The following EVL variants were observed in gnomAD, a reference collection of about 807,000 sequenced individuals.
EVL encodes the protein Enah/Vasp-like.
In EVL, 21 loss-of-function variants were observed where a neutral mutation model predicts 59.6. The ratio of observed to expected loss-of-function variants is 0.35; its 90% CI spans 0.25 to 0.51. EVL has a LOEUF of 0.51. Among genes scored for constraint, EVL ranks in the 20% least tolerant of loss-of-function variants. The probability of loss-of-function intolerance (pLI) is 0.97; values close to 1 mark genes in which losing one functional copy is unlikely to be tolerated. For missense variants in EVL, 462 were observed against 546.6 expected, an observed-to-expected ratio of 0.85 and a Z score of 1.54; for synonymous variants, 198 against 203.5, an observed-to-expected ratio of 0.97 and a Z score of 0.23.
rs1451553162 is a variant in EVL, at chr14:99,972,790, T to G, written c.5+733T>G. On this transcript the variant is annotated intron_variant, in intron 1 of 13. Transcript: ENST00000402714. This position sits in a 1 kb window ranked among gnomAD's most constrained non-coding sequence, Gnocchi z 4.4. ...TCTCCAGATCCTGTCGTGACTTTTT[T>G]GGGGTAATCACTTTTTTTTTTTCCA... Among the ~76,000 whole-genome samples the G allele has an allele frequency of 2.0e-5, 3 of 151,892 alleles. No homozygotes were observed. The highest frequency in any genetic ancestry group is 7.3e-5 in the African/African-American group (3 of 41,294).
rs1460770977 is a variant in EVL, at chr14:100,129,694, T to C, written c.839+10T>C. 13 of 1,553,046 alleles carry C rather than the reference T, an allele frequency of 8.4e-6. No individual in the cohort carries two copies. Among genetic ancestry groups the C allele is most frequent in the Non-Finnish European group, 9.6e-6 (11 of 1,146,672 alleles). ...AACTGCTGGCCAAGAGGTGGGTCTC[T>C]ACACCTCCCGAGACTTGGTGTGCCT... is the stretch of plus-strand genomic sequence containing the variant. On this transcript the variant is annotated intron_variant, in intron 7 of 13. Transcript: ENST00000392920.
At chr14:100,019,385 T>A (rs1011277029) in intron 1 of EVL, 4 of 407,684 alleles carry the variant, frequency 9.8e-6, no homozygotes, top group Non-Finnish European at 1.3e-5. Context: ...CTAATCCAGT[T>A]CCCAGCCTGG....
chr14:100,110,169 TC>T (rs1680899263), intron 3 of EVL, among the ~76,000 whole-genome samples: 1 of 152,186 alleles, frequency 6.6e-6, no homozygotes, highest in Non-Finnish European at 1.5e-5. Flanking sequence ...GTGTGAGAGT[TC>T]GAGACCTGCC....
intron 3 of EVL, among the ~76,000 whole-genome samples, chr14:100,112,076 C>T (rs1394233023): frequency 6.6e-6 from 1 of 152,222 alleles, no homozygotes; most frequent in East Asian, 1.9e-4. Flanking sequence ...CTTTTTTCCT[C>T]GCGTAGCGTG....
chr14:100,117,607 G>A (rs775386443), intron 3 of EVL, among the ~76,000 whole-genome samples: 21 of 152,190 alleles, frequency 1.4e-4, no homozygotes, highest in Admixed American at 5.2e-4. Context: ...GCTTTCTTAC[G>A]GGTAGAGTGG....
chr14:100,073,874 G>A (rs958434272), intron 1 of EVL, among the ~76,000 whole-genome samples: 1 of 152,154 alleles, frequency 6.6e-6, no homozygotes. Context: ...CCTCATGGAG[G>A]CACTTGCCCC....
chr14:100,013,212 G>A (rs899982137), intron 1 of EVL, among the ~76,000 whole-genome samples: 2 of 152,130 alleles, frequency 1.3e-5, no homozygotes, highest in African/African-American at 2.4e-5. Context: ...CCCAAGACAC[G>A]TAATGAACTG....
chr14:100,120,377 G>A (rs1887620468), intron 3 of EVL, among the ~76,000 whole-genome samples: 1 of 152,230 alleles, frequency 6.6e-6, no homozygotes, highest in African/African-American at 2.4e-5. Context: ...TGCGGAGTGA[G>A]ACGTGCTCTC....
chr14:100,019,784 C>T, intron 1 of EVL: 4 of 1,201,170 alleles, frequency 3.3e-6, no homozygotes, highest in Non-Finnish European at 4.6e-6. Context: ...CTGGTTCTCA[C>T]AAAAAAAACA....
At chr14:100,050,600 G>A (rs1410031615) in intron 1 of EVL, among the ~76,000 whole-genome samples, 1 of 151,612 alleles carries the variant, frequency 6.6e-6, no homozygotes, top group Non-Finnish European at 1.5e-5. Context: ...GCCTCCCAAA[G>A]TGCTGGGATT....
At chr14:100,093,659 AG>A (rs2062610775) in intron 2 of EVL, among the ~76,000 whole-genome samples, 1 of 152,216 alleles carries the variant, frequency 6.6e-6, no homozygotes, top group East Asian at 1.9e-4. Context: ...TCCTCTAGAA[AG>A]GCTTCACTGC....
At chr14:100,040,335 C>T (rs2061449825) in intron 1 of EVL, among the ~76,000 whole-genome samples, 1 of 152,214 alleles carries the variant, frequency 6.6e-6, no homozygotes, top group Non-Finnish European at 1.5e-5. Flanking sequence ...TCCCCTCGCC[C>T]TGTATCCTCT....
intron 3 of EVL, among the ~76,000 whole-genome samples, chr14:100,115,145 T>G (rs1426412875): frequency 6.6e-6 from 1 of 152,156 alleles, no homozygotes; most frequent in Non-Finnish European, 1.5e-5. Context: ...ATTTTAAGGT[T>G]AGTTTTGTGT....
chr14:99,981,440 TA>T lies in EVL; in HGVS notation c.5+9391del, dbSNP rs539248984. Among the ~76,000 whole-genome samples the T allele has an allele frequency of 3.0e-4, 46 of 151,894 alleles. 1 individual carries two copies. The South Asian group carries it at 7.7e-3, about 25-fold the overall frequency. On this transcript the variant is annotated intron_variant, in intron 1 of 13. Transcript: ENST00000402714. ...AGTGAAACTGTCTCAAAAATAAAAT[TA>T]AAAAAAAGAAAAGTAACAATTATAT...
intron 2 of EVL, among the ~76,000 whole-genome samples, chr14:100,088,653 C>A (rs1202819669): frequency 6.6e-6 from 1 of 152,138 alleles, no homozygotes; most frequent in Non-Finnish European, 1.5e-5. Context: ...ATGGGACCAC[C>A]ATCATATATG....
At chr14:100,138,074 G>A in intron 11 of EVL, 2 of 567,482 alleles carry the variant, frequency 3.5e-6, no homozygotes, top group Non-Finnish European at 3.2e-6. Context: ...TCCCAGCTCT[G>A]GACTCACTAC....
chr14:99,992,785 A>G (rs1176906217), intron 1 of EVL, among the ~76,000 whole-genome samples: 1 of 152,144 alleles, frequency 6.6e-6, no homozygotes, highest in African/African-American at 2.4e-5. Context: ...TTAGGGGAAA[A>G]TCTTTCATCC....
chr14:100,034,721 G>A lies in EVL; in HGVS notation c.6-49966G>A, dbSNP rs964088602. Among the ~76,000 whole-genome samples the A allele has an allele frequency of 1.1e-4, 16 of 152,024 alleles. 1 individual carries two copies. Among genetic ancestry groups the A allele is most frequent in the African/African-American group, 3.9e-4 (16 of 41,370 alleles). On this transcript the variant is annotated intron_variant, in intron 1 of 13. Transcript: ENST00000402714. ...CCATTGCATTCCAGCCTGGGTGACA[G>A]AGTGAGACCCCAACTCTTTAAAAAA... is the stretch of plus-strand genomic sequence containing the variant.
intron 8 of EVL, chr14:100,135,177 AC>A (rs1888697209): frequency 6.6e-6 from 1 of 151,892 alleles, no homozygotes; most frequent in African/African-American, 2.4e-5. Context: ...CCCGGGACTT[AC>A]TCGTTCACCA....
Sources: allele counts gnomAD v4.1 joint callset (sites outside exome capture counted in the v4.1 genomes callset), GRCh38; gene constraint gnomAD v4.1.1; non-coding constraint Gnocchi (gnomAD v3.1); transcripts MANE v1.5; gene names NCBI Gene and HGNC (gene_info 2026-07-23, HGNC 2026-07-21).